The following RGPD2 variants were observed in gnomAD, a reference collection of about 807,000 sequenced individuals.
The protein encoded by RGPD2 is RANBP2-like and GRIP domain-containing protein 2.
RGPD2 carries 2 observed loss-of-function variants against 36.0 expected under a neutral mutation model. That is an observed-to-expected ratio of 0.06 (90% CI 0.02 to 0.17). The LOEUF (loss-of-function observed/expected upper bound fraction) is 0.17, where lower values mean the gene tolerates loss of function less well. RGPD2 is among the 10% of genes least tolerant of loss of function. The pLI, the probability that RGPD2 is intolerant of heterozygous loss-of-function variation, is 1.00. For missense variants in RGPD2, 40 were observed against 464.3 expected, an observed-to-expected ratio of 0.09 and a Z score of 8.40; for synonymous variants, 19 against 163.8, an observed-to-expected ratio of 0.12 and a Z score of 6.75.
intron 22 of RGPD2, among the ~76,000 whole-genome samples, chr2:87,769,459 T>TA (rs1156648873): frequency 2.0e-5 from 3 of 149,774 alleles, no homozygotes; most frequent in Non-Finnish European, 3.0e-5. Context: ...ATGCACATCT[T>TA]AGAGTTCTGG....
the RGPD2 span, among the ~76,000 whole-genome samples, chr2:87,831,112 G>T: frequency 1.3e-5 from 2 of 152,012 alleles, no homozygotes; most frequent in Non-Finnish European, 2.9e-5. Context: ...TTAAATAATT[G>T]GATTCATGAG....
the RGPD2 span, among the ~76,000 whole-genome samples, chr2:87,940,632 T>TTGTGTGTGTG: frequency 1.5e-5 from 2 of 130,860 alleles, no homozygotes; most frequent in African/African-American, 3.3e-5. Context: ...AATTTTCTGT[T>TTGTGTGTGTG]TGTGTGTGTG....
chr2:87,989,776 A>G, the RGPD2 span: 7 of 1,193,392 alleles, frequency 5.9e-6, no homozygotes, highest in African/African-American at 1.5e-5. Context: ...TCCTCATTAT[A>G]GAGAGAATCA....
the RGPD2 span, among the ~76,000 whole-genome samples, chr2:87,963,027 GAA>G: frequency 2.1e-5 from 3 of 141,508 alleles, no homozygotes; most frequent in Non-Finnish European, 3.1e-5. Flanking sequence ...TGAGGCACCA[GAA>G]TTGCTTGAAC....
In RGPD2 at chr2:87,756,470, C is replaced by T. The variant is rs1369924321; in HGVS notation, c.*922G>A. The T allele has an allele frequency of 1.5e-5, 4 of 264,862 alleles. No homozygotes were observed. In the East Asian group the frequency reaches 2.5e-4, roughly 16 times the overall value. The allele number at this position is 264,862 out of a possible 1,614,324, so 16.4% of individuals were successfully genotyped here. On this transcript the variant is annotated 3_prime_UTR_variant, in exon 23 of 23. Coordinates refer to ENST00000398146, the MANE Select transcript of RGPD2 (RefSeq NM_001078170.3). Reference sequence around the variant, plus strand: ...TATCCATGTATCATCATTAAGTGATCTCATTTTATATTGTTTACTTGAATA... The same window carrying T: ...TATCCATGTATCATCATTAAGTGATTTCATTTTATATTGTTTACTTGAATA...
intron 1 of RGPD2, chr2:87,824,968 G>GC (rs1194321456): frequency 2.6e-6 from 1 of 388,784 alleles, no homozygotes; most frequent in Admixed American, 4.5e-5. Context: ...CTACCGTATG[G>GC]CCCACCATAA....
the RGPD2 span, among the ~76,000 whole-genome samples, chr2:87,937,776 A>C: frequency 6.6e-6 from 1 of 152,088 alleles, no homozygotes; most frequent in Non-Finnish European, 1.5e-5. Flanking sequence ...AGGAAATGTG[A>C]AAGAAAAGGC....
the RGPD2 span, among the ~76,000 whole-genome samples, chr2:87,878,917 C>T: frequency 6.6e-6 from 1 of 152,194 alleles, no homozygotes. Flanking sequence ...TTGTTTTCAT[C>T]TTAATGACTG....
At chr2:87,970,326 T>C in the RGPD2 span, among the ~76,000 whole-genome samples, 2 of 151,352 alleles carry the variant, frequency 1.3e-5, no homozygotes, top group African/African-American at 4.9e-5. Flanking sequence ...TACACGTATA[T>C]ATAAACACAG....
chr2:87,924,686 C>G, the RGPD2 span, among the ~76,000 whole-genome samples: 1 of 146,924 alleles, frequency 6.8e-6, no homozygotes, highest in Non-Finnish European at 1.5e-5. Flanking sequence ...TGAAATACTT[C>G]CAATAATTTA....
chr2:87,877,648 G>A, the RGPD2 span, among the ~76,000 whole-genome samples: 27,006 of 145,626 alleles, frequency 0.19, no homozygotes, highest in African/African-American at 0.32. Flanking sequence ...CTAAAAACAT[G>A]CAAAAAATTA....
At chr2:87,872,508 T>C in the RGPD2 span, among the ~76,000 whole-genome samples, 1 of 152,012 alleles carries the variant, frequency 6.6e-6, no homozygotes, top group Non-Finnish European at 1.5e-5. Context: ...TTTTCTTCTA[T>C]CCTTTTTTTT....
At chr2:87,940,391 T>C in the RGPD2 span, among the ~76,000 whole-genome samples, 1 of 151,036 alleles carries the variant, frequency 6.6e-6, no homozygotes, top group South Asian at 2.1e-4. Context: ...CTTCTTTAGC[T>C]GGGAAAATGT....
At chr2:87,771,383 GTTTTTTTTTTTTTTTTTTTTTTTTTT>G (rs771252838) in intron 22 of RGPD2, 1 of 22,732 alleles carries the variant, frequency 4.4e-5, no homozygotes. Context: ...CTACATCATA[GTTTTTTTTTTTTTTTTTTTTTTTTTT>G]TTTTTTGAGA....
At chr2:87,881,586 T>C in the RGPD2 span, among the ~76,000 whole-genome samples, 2 of 150,164 alleles carry the variant, frequency 1.3e-5, no homozygotes, top group East Asian at 2.0e-4. Flanking sequence ...CAGCCTGGAC[T>C]TTACCGTCCA....
the RGPD2 span, among the ~76,000 whole-genome samples, chr2:87,847,453 CT>C: frequency 6.8e-6 from 1 of 147,428 alleles, no homozygotes; most frequent in Admixed American, 6.7e-5. Context: ...AGTTGTCTGG[CT>C]TTTCAGATTA....
chr2:87,957,236 T>TGC, the RGPD2 span, among the ~76,000 whole-genome samples: 20 of 116,242 alleles, frequency 1.7e-4, no homozygotes, highest in East Asian at 1.1e-3. Flanking sequence ...ACAAGGTCAC[T>TGC]GGGGGGGGGC....
At chr2:87,827,395 A>G (rs1466126556), upstream of RGPD2, among the ~76,000 whole-genome samples, 2 of 151,676 alleles carry the variant, frequency 1.3e-5, no homozygotes, top group African/African-American at 4.8e-5. Context: ...TCAAATTCCA[A>G]CTTTCTCACT....
the RGPD2 span, chr2:87,972,712 G>C: frequency 6.2e-7 from 1 of 1,606,200 alleles, no homozygotes; most frequent in Non-Finnish European, 8.5e-7. Context: ...CACTTCGGGC[G>C]CCGCAACAGC....
Sources: gnomAD v4.1 joint callset for allele counts (sites outside exome capture counted in the v4.1 genomes callset) on GRCh38, gnomAD v4.1.1 for gene constraint, MANE v1.5 for transcripts, NCBI Gene and HGNC (gene_info 2026-07-23, HGNC 2026-07-21) for gene names.